The following UBXN7 variants were observed in gnomAD, a reference collection of about 807,000 sequenced individuals.
The protein encoded by UBXN7 is UBX domain protein 7.
Under a neutral mutation model 58.0 loss-of-function variants are expected in UBXN7, and 9 were observed. The observed-to-expected ratio is 0.16, with a 90% CI of 0.09 to 0.27. The LOEUF (loss-of-function observed/expected upper bound fraction) is 0.27. UBXN7 is among the 10% of genes least tolerant of loss of function. UBXN7 has a pLI of 1.00. For synonymous variants in UBXN7, 208 were observed against 205.0 expected, an observed-to-expected ratio of 1.01 and a Z score of -0.12; for missense variants, 328 against 599.6, an observed-to-expected ratio of 0.55 and a Z score of 4.73.
At chr3:196,399,339 C>T (rs950065116) in intron 3 of UBXN7, among the ~76,000 whole-genome samples, 1 of 151,304 alleles carries the variant, frequency 6.6e-6, no homozygotes, top group African/African-American at 2.4e-5. Flanking sequence ...GGTCTCAATA[C>T]GTTGCCCAGG....
At position 196,401,274 on chromosome 3, in the gene UBXN7, AATATAT is replaced by A. The variant is rs780788392; in HGVS notation, c.289+1672_289+1677del. ...AAAAAAAAAAAAAAAAAAAAAAAAAAATATATATATATATATATATATATACACACA... is the reference window on the plus strand; with the variant it reads ...AAAAAAAAAAAAAAAAAAAAAAAAAAATATATATATATATATATACACACA... On this transcript the variant is annotated intron_variant, in intron 3 of 10. Transcript: ENST00000296328. Among the ~76,000 whole-genome samples the A allele has an allele frequency of 8.3e-3, 306 of 36,732 alleles. 2 individuals are homozygous for A. Among genetic ancestry groups the A allele is most frequent in the Middle Eastern group, 0.025 (1 of 40 alleles). The allele number at this position is 36,732 out of a possible 152,430, so 24.1% of individuals were successfully genotyped here.
intron 1 of UBXN7, among the ~76,000 whole-genome samples, chr3:196,418,692 T>C (rs1409526233): frequency 6.6e-6 from 1 of 152,224 alleles, no homozygotes; most frequent in Non-Finnish European, 1.5e-5. Flanking sequence ...ACAGTATGTA[T>C]GTATTCTAGA....
intron 1 of UBXN7, among the ~76,000 whole-genome samples, chr3:196,426,109 C>A (rs1730839866): frequency 6.6e-6 from 1 of 152,046 alleles, no homozygotes; most frequent in Non-Finnish European, 1.5e-5. Context: ...TTCAGCCAGG[C>A]ATGGTGGCTC....
chr3:196,369,233 G>A (rs1385891540), intron 7 of UBXN7, among the ~76,000 whole-genome samples, 188 bp downstream of exon 7: 1 of 152,068 alleles, frequency 6.6e-6, no homozygotes, highest in East Asian at 1.9e-4. Flanking sequence ...TCCCAATGTT[G>A]CCAGAAAAAG....
At chr3:196,385,670 T>C (rs1342896266) in intron 5 of UBXN7, among the ~76,000 whole-genome samples, 2 of 149,284 alleles carry the variant, frequency 1.3e-5, no homozygotes, top group African/African-American at 5.0e-5. Flanking sequence ...CTCTGAGAAG[T>C]GAGGAGCCCC....
At chr3:196,373,677 T>C (rs1016885564) in intron 5 of UBXN7, among the ~76,000 whole-genome samples, 14 of 151,502 alleles carry the variant, frequency 9.2e-5, no homozygotes, top group African/African-American at 3.4e-4. Context: ...CACAAATAGC[T>C]TTTTTTTTGT....
chr3:196,360,468 CTG>C (rs1269350999), intron 10 of UBXN7, among the ~76,000 whole-genome samples: 1 of 152,156 alleles, frequency 6.6e-6, no homozygotes, highest in African/African-American at 2.4e-5. Flanking sequence ...TAAATCTACT[CTG>C]TCTGTGTTCT....
intron 1 of UBXN7, among the ~76,000 whole-genome samples, chr3:196,411,073 T>G (rs942008873): frequency 6.6e-6 from 1 of 152,224 alleles, no homozygotes; most frequent in Non-Finnish European, 1.5e-5. Flanking sequence ...TGTTGATCTG[T>G]GCACTAGCCT....
intron 5 of UBXN7, among the ~76,000 whole-genome samples, chr3:196,372,410 C>T (rs1188424768): frequency 2.7e-5 from 4 of 148,306 alleles, no homozygotes; most frequent in Admixed American, 6.8e-5. Flanking sequence ...GGGGCAGTCT[C>T]GGCTCACTGC....
intron 2 of UBXN7, among the ~76,000 whole-genome samples, chr3:196,406,505 T>C (rs1730166735): frequency 6.6e-6 from 1 of 152,042 alleles, no homozygotes; most frequent in Non-Finnish European, 1.5e-5. Flanking sequence ...AGTGGCACGA[T>C]CTCTGGTCAC....
intron 1 of UBXN7, among the ~76,000 whole-genome samples, chr3:196,419,036 T>C (rs1730592666): frequency 6.6e-6 from 1 of 152,156 alleles, no homozygotes; most frequent in African/African-American, 2.4e-5. Flanking sequence ...GAGGCCGATG[T>C]GGGTGGATCA....
At chr3:196,395,657 T>C (rs1729746381) in intron 3 of UBXN7, among the ~76,000 whole-genome samples, 1 of 152,094 alleles carries the variant, frequency 6.6e-6, no homozygotes, top group South Asian at 2.1e-4. Context: ...GGCATGTCAC[T>C]ATATCGCCCA....
intron 1 of UBXN7, among the ~76,000 whole-genome samples, chr3:196,421,900 G>A (rs1179747886): frequency 6.6e-6 from 1 of 151,782 alleles, no homozygotes; most frequent in African/African-American, 2.4e-5. Context: ...TATTGAAATG[G>A]CTTTAAAAAA....
chr3:196,362,026 A>G, intron 9 of UBXN7, 103 bp from the exon 10 acceptor site: 1 of 1,209,574 alleles, frequency 8.3e-7, no homozygotes, highest in Non-Finnish European at 1.2e-6. Flanking sequence ...TTCAGCAATT[A>G]CTCAAGTGTT....
At chr3:196,432,254 A>AGGGGAAGCCCGGGCAGCG (rs1441438190) in intron 1 of UBXN7, 73 bp downstream of exon 1, 1 of 1,585,886 alleles carries the variant, frequency 6.3e-7, no homozygotes, top group South Asian at 1.1e-5. Context: ...CCTGAAGGTA[A>AGGGGAAGCCCGGGCAGCG]GGGGAAGCCC....
Position 196,407,393 on chromosome 3 carries a change from C to T in UBXN7, c.74G>A (p.Gly25Asp). The T allele has an allele frequency of 6.3e-7, 1 of 1,594,342 alleles. No individual in the cohort carries two copies. Among genetic ancestry groups the T allele is most frequent in the Non-Finnish European group, 8.5e-7 (1 of 1,173,436 alleles). Residue 25 changes from glycine (G) to aspartate (D), a missense_variant and splice_region_variant, in exon 2 of 11, where the codon GGT (glycine) becomes GAT (aspartate). By Grantham distance (94) the Gly-to-Asp change is moderately conservative. Around this residue, in one of 4 missense-constraint regions of UBXN7, gnomAD observed 106 missense variants for 124.3 expected, o/e 0.85. Coordinates refer to ENST00000296328, the MANE Select transcript of UBXN7 (RefSeq NM_015562.2). ...ATGTTTTCCTACACTTTCACTTGCA[C>T]CTGAAACAGTAAAAAGACAGGAAAA... ...GLIQQFTTIT[G>D]ASESVGKHML...
intron 1 of UBXN7, among the ~76,000 whole-genome samples, chr3:196,410,220 G>A (rs1730283030): frequency 6.6e-6 from 1 of 152,132 alleles, no homozygotes; most frequent in Non-Finnish European, 1.5e-5. Flanking sequence ...GATTACAGGA[G>A]TGAGCCACCA....
chr3:196,380,030 A>G (rs2045298479), intron 5 of UBXN7, among the ~76,000 whole-genome samples: 1 of 152,170 alleles, frequency 6.6e-6, no homozygotes, highest in Non-Finnish European at 1.5e-5. Flanking sequence ...CGGGTGGATC[A>G]CGAGGTCAGG....
At chr3:196,374,281 T>A (rs1728926278) in intron 5 of UBXN7, among the ~76,000 whole-genome samples, 1 of 152,148 alleles carries the variant, frequency 6.6e-6, no homozygotes, top group South Asian at 2.1e-4. Context: ...ACTTTTTTTT[T>A]TCGCTTTTAA....
Sources: allele counts gnomAD v4.1 joint callset (sites outside exome capture counted in the v4.1 genomes callset), GRCh38; gene constraint gnomAD v4.1.1; regional missense constraint gnomAD v4.1.1; transcripts MANE v1.5; gene names NCBI Gene and HGNC (gene_info 2026-07-23, HGNC 2026-07-21).